The following MYO5C variants were observed in gnomAD, a reference collection of about 807,000 sequenced individuals.
MYO5C encodes the protein unconventional myosin-Vc.
MYO5C carries 194 observed loss-of-function variants against 235.7 expected under a neutral mutation model. The observed-to-expected ratio is 0.82, with a 90% CI of 0.73 to 0.93. The LOEUF is 0.93. MYO5C is among the 40% of genes least tolerant of loss of function. The probability of loss-of-function intolerance (pLI) is 0.00; values close to 1 mark genes in which losing one functional copy is unlikely to be tolerated. For synonymous variants in MYO5C, 707 were observed against 754.8 expected, an observed-to-expected ratio of 0.94 and a Z score of 1.04; for missense variants, 2,038 against 2,127.2, an observed-to-expected ratio of 0.96 and a Z score of 0.82.
At chr15:52,241,929 G>T in intron 20 of MYO5C, 119 bp downstream of exon 20, 1 of 1,143,970 alleles carries the variant, frequency 8.7e-7, no homozygotes, top group Non-Finnish European at 1.2e-6. Flanking sequence ...TTTCTGGCTT[G>T]GCTGACACTT....
chr15:52,208,800 T>A (rs560837027), intron 35 of MYO5C, among the ~76,000 whole-genome samples, 157 bp from the exon 36 acceptor site: 1 of 152,370 alleles, frequency 6.6e-6, no homozygotes, highest in East Asian at 1.9e-4. Flanking sequence ...AGAACTTATA[T>A]TTATTTAATA....
chr15:52,229,854 G>A (rs1237096983), intron 24 of MYO5C, among the ~76,000 whole-genome samples: 3 of 152,124 alleles, frequency 2.0e-5, no homozygotes, highest in East Asian at 1.9e-4. Context: ...CAGTGATCAC[G>A]CACAGGGCAC....
Position 52,244,338 on chromosome 15 carries a change from TC to T in MYO5C, c.2390+17del. On this transcript the variant is annotated intron_variant, in intron 19 of 40. Coordinates refer to ENST00000261839, the MANE Select transcript of MYO5C (RefSeq NM_018728.4). ...GAAAGCCCCACAGTTCCACATGTGT[TC>T]CTTGATTCCAACATACCTCACAGTT... 1 of 1,608,282 alleles carries T rather than the reference TC, an allele frequency of 6.2e-7. No homozygotes were observed. Among genetic ancestry groups the T allele is most frequent in the Non-Finnish European group, 8.5e-7 (1 of 1,176,562 alleles).
At chr15:52,239,609 G>T in intron 21 of MYO5C, 124 bp downstream of exon 21, 1 of 963,912 alleles carries the variant, frequency 1.0e-6, no homozygotes, top group Middle Eastern at 2.7e-4. Flanking sequence ...AGCTCAGGTG[G>T]TCCACGTAAA....
intron 5 of MYO5C, among the ~76,000 whole-genome samples, chr15:52,275,121 G>T (rs1446776822): frequency 6.6e-6 from 1 of 152,226 alleles, no homozygotes; most frequent in Non-Finnish European, 1.5e-5. Flanking sequence ...TTGACATGTG[G>T]CCTCTGCCAA....
At chr15:52,275,432 C>T in intron 5 of MYO5C, 130 bp downstream of exon 5, 1 of 1,127,142 alleles carries the variant, frequency 8.9e-7, no homozygotes. Context: ...AATAGGCTTC[C>T]CGGGTCTTTC....
At position 52,264,232 on chromosome 15, in the gene MYO5C, A is replaced by T; in HGVS notation, c.1005T>A (p.Asn335Lys). 1.2e-6 allele frequency: 2 copies of T among 1,614,146 alleles called. No homozygotes were observed. Among genetic ancestry groups the T allele is most frequent in the Non-Finnish European group, 1.7e-6 (2 of 1,180,000 alleles). Reference sequence around the variant, plus strand: ...CGTTGCCCACCGCGGTGATCTGCACATTGCCCAGATGTAGGATGGCTGCCA... The same window carrying T: ...CGTTGCCCACCGCGGTGATCTGCACTTTGCCCAGATGTAGGATGGCTGCCA... The part of the protein sequence containing the change: ...KILAAILHLG[N>K]VQITAVGNER... Residue 335 changes from asparagine (N) to lysine (K), a missense_variant, in exon 9 of 41, where the codon AAT (asparagine) becomes AAA (lysine). Physicochemically the swap from Asn to Lys is moderately conservative, Grantham distance 94. Coordinates refer to ENST00000261839, the MANE Select transcript of MYO5C (RefSeq NM_018728.4).
At chr15:52,292,912 G>A (rs2037422550) in intron 1 of MYO5C, among the ~76,000 whole-genome samples, 1 of 152,242 alleles carries the variant, frequency 6.6e-6, no homozygotes, top group Non-Finnish European at 1.5e-5. Flanking sequence ...AAGGCATTGA[G>A]GGAATGGCAA....
At chr15:52,244,179 GCCCCT>G (rs2036285997) in intron 19 of MYO5C, among the ~76,000 whole-genome samples, 172 bp downstream of exon 19, 1 of 152,058 alleles carries the variant, frequency 6.6e-6, no homozygotes, top group South Asian at 2.1e-4. Context: ...AGCACTACCT[GCCCCT>G]GAGAGACGGA....
intron 29 of MYO5C, among the ~76,000 whole-genome samples, 164 bp downstream of exon 29, chr15:52,223,380 G>T (rs1434105895): frequency 6.6e-6 from 1 of 152,134 alleles, no homozygotes; most frequent in African/African-American, 2.4e-5. Flanking sequence ...GTGCTCTCTG[G>T]TCTGCAGTCA....
chr15:52,225,613 G>A, intron 25 of MYO5C, 81 bp from the exon 26 acceptor site: 1 of 948,140 alleles, frequency 1.1e-6, no homozygotes, highest in South Asian at 1.3e-5. Flanking sequence ...CACAATTACA[G>A]CGTTGCGTGT....
At chr15:52,229,356 G>T in intron 24 of MYO5C, 43 bp from the exon 25 acceptor site, 1 of 1,586,946 alleles carries the variant, frequency 6.3e-7, no homozygotes, top group East Asian at 2.2e-5. Flanking sequence ...TGAGCATGGT[G>T]GCTGAAACCT....
intron 40 of MYO5C, among the ~76,000 whole-genome samples, chr15:52,194,530 T>C (rs1380019183): frequency 6.6e-6 from 1 of 152,204 alleles, no homozygotes; most frequent in African/African-American, 2.4e-5. Context: ...TAATTAAATA[T>C]ACATTGTGTA....
chr15:52,244,600 A>C (rs749821263), intron 18 of MYO5C, 33 bp from the exon 19 acceptor site: 2 of 1,469,440 alleles, frequency 1.4e-6, no homozygotes, highest in Non-Finnish European at 1.9e-6. Context: ...TTAGAATTAA[A>C]ATCTGTCAGA....
chr15:52,201,086 C>G (rs1430607545), intron 38 of MYO5C, among the ~76,000 whole-genome samples: 1 of 152,086 alleles, frequency 6.6e-6, no homozygotes, highest in East Asian at 1.9e-4. Flanking sequence ...CACTGAAGTT[C>G]TGGAAAGAGA....
intron 9 of MYO5C, among the ~76,000 whole-genome samples, chr15:52,262,475 G>A (rs1452619735): frequency 6.6e-6 from 1 of 152,152 alleles, no homozygotes; most frequent in Non-Finnish European, 1.5e-5. Context: ...GCTTCTCTGA[G>A]GTAACTGAGC....
intron 8 of MYO5C, among the ~76,000 whole-genome samples, chr15:52,269,514 T>A (rs2036875816): frequency 6.7e-6 from 1 of 148,378 alleles, no homozygotes; most frequent in South Asian, 2.2e-4. Context: ...TGCCTCAGCC[T>A]CCTGAGTAGC....
chr15:52,214,801 C>T, intron 32 of MYO5C, 111 bp from the exon 33 acceptor site: 1 of 592,938 alleles, frequency 1.7e-6, no homozygotes, highest in South Asian at 2.5e-5. Flanking sequence ...TACAACTCAC[C>T]CATTTAAAGT....
chr15:52,282,216 T>C (rs926228114), intron 2 of MYO5C, among the ~76,000 whole-genome samples: 12 of 152,274 alleles, frequency 7.9e-5, no homozygotes, highest in Admixed American at 2.0e-4. Flanking sequence ...CAAAGCTGGG[T>C]GTCCATGTCT....
Sources: allele counts gnomAD v4.1 joint callset (sites outside exome capture counted in the v4.1 genomes callset), GRCh38; gene constraint gnomAD v4.1.1; transcripts MANE v1.5; gene names NCBI Gene and HGNC (gene_info 2026-07-23, HGNC 2026-07-21).